COL5A1: variants seen among roughly 807,000 people sequenced by gnomAD.
The protein encoded by COL5A1 is collagen alpha-1(V) chain.
A neutral mutation model predicts 263.7 loss-of-function variants in COL5A1; 16 were observed. The observed-to-expected ratio is 0.06, with a 90% confidence interval of 0.04 to 0.09. The LOEUF is 0.09. COL5A1 is among the 10% of genes least tolerant of loss of function. COL5A1 has a pLI of 1.00. For missense variants in COL5A1, 2,036 were observed against 2,540.5 expected (o/e 0.80, Z 4.27); for synonymous variants, 1,012 against 1,004.5 (o/e 1.01, Z -0.14).
At chr9:134,746,261 G>A (rs1321450287) in intron 11 of COL5A1, among the ~76,000 whole-genome samples, 1 of 152,160 alleles carries the variant, frequency 6.6e-6, no homozygotes, top group Non-Finnish European at 1.5e-5. Flanking sequence ...GCACACAAAG[G>A]TTCTGGAGAG....
intron 65 of COL5A1, among the ~76,000 whole-genome samples, chr9:134,838,536 G>T (rs1839919558): frequency 6.6e-6 from 1 of 152,194 alleles, no homozygotes; most frequent in Admixed American, 6.5e-5. Flanking sequence ...GGTCTGGTTA[G>T]CCGCCCAGTG....
In COL5A1 at chr9:134,727,250, G is replaced by A. The variant is rs371301230; in HGVS notation, c.655-16G>A. 4.3e-5 allele frequency: 70 copies of A among 1,613,036 alleles called. 1 individual carries two copies. The highest frequency in any genetic ancestry group is 1.1e-4 in the African/African-American group (8 of 74,984). ...CTCTGTGAGCTGCTTTTTCATGAGCGTCTCTTCTTTTCCAGGGTGACATCC... is the reference window on the plus strand; with the variant it reads ...CTCTGTGAGCTGCTTTTTCATGAGCATCTCTTCTTTTCCAGGGTGACATCC... On this transcript the variant is annotated splice_polypyrimidine_tract_variant and intron_variant, in intron 4 of 65. Transcript: ENST00000371817.
At chr9:134,808,330 G>A (rs977399707) in intron 42 of COL5A1, among the ~76,000 whole-genome samples, 1 of 152,164 alleles carries the variant, frequency 6.6e-6, no homozygotes, top group African/African-American at 2.4e-5. Flanking sequence ...AGAGTGATGC[G>A]ATGGCTGGTC....
intron 1 of COL5A1, among the ~76,000 whole-genome samples, chr9:134,658,601 C>T (rs1021864274): frequency 6.6e-6 from 1 of 152,218 alleles, no homozygotes; most frequent in Non-Finnish European, 1.5e-5. Flanking sequence ...TTGCAGGCCC[C>T]GGAGAGGGGC....
intron 28 of COL5A1, among the ~76,000 whole-genome samples, 179 bp downstream of exon 28, chr9:134,780,325 G>A (rs558239866): frequency 6.6e-6 from 1 of 152,314 alleles, no homozygotes; most frequent in Non-Finnish European, 1.5e-5. Flanking sequence ...CGGAAGAAGA[G>A]TAAGTTGAGG....
In COL5A1 at chr9:134,767,352, A is replaced by G; in HGVS notation, c.2230A>G (p.Lys744Glu). The change falls in exon 24 of 66, where the codon AAG becomes GAG. Residue 744 changes from lysine (K) to glutamate (E), a missense_variant and splice_region_variant. Physicochemically the swap from Lys to Glu is moderately conservative, Grantham distance 56 (BLOSUM62 1). Transcript: ENST00000371817. ...PQGAIGPPGEKGPLGKPGLPG... is the reference protein window; with the variant it reads ...PQGAIGPPGEEGPLGKPGLPG... ...GGGTGCAATTGGTCCTCCAGGAGAA[A>G]AGGTAGGTGGGCCTGGGCTGTGTTG... The G allele has an allele frequency of 5.6e-6, 9 of 1,613,952 alleles. No homozygotes were observed. Among genetic ancestry groups the G allele is most frequent in the Non-Finnish European group, 6.8e-6 (8 of 1,179,986 alleles).
At chr9:134,812,425 A>C (rs370852479) in intron 46 of COL5A1, 24 bp from the exon 47 acceptor site, 3 of 1,613,024 alleles carry the variant, frequency 1.9e-6, no homozygotes, top group Admixed American at 1.7e-5. Context: ...AACAGCGCTT[A>C]ACTGGGAAGT....
rs140321314 is a variant in COL5A1, at chr9:134,816,549, C to T, written c.4123-477C>T. Among the ~76,000 whole-genome samples the T allele has an allele frequency of 7.9e-5, 12 of 152,336 alleles. No homozygotes were observed. In the East Asian group the frequency reaches 1.2e-3, roughly 15 times the overall value. On this transcript the variant is annotated intron_variant, in intron 52 of 65. Coordinates refer to ENST00000371817, the MANE Select transcript of COL5A1 (RefSeq NM_000093.5). ...CAGCCTGGCCAAGCGCGGGGGACTG[C>T]GGACCTGAGGGCAAAGGCCATGTCA...
At chr9:134,830,327 G>C in intron 64 of COL5A1, 1 of 751,738 alleles carries the variant, frequency 1.3e-6, no homozygotes. Context: ...TCAGCTAGGT[G>C]TGGAGTCCTC....
chr9:134,719,317 G>GCA (rs986969301), intron 4 of COL5A1, among the ~76,000 whole-genome samples: 1 of 152,176 alleles, frequency 6.6e-6, no homozygotes, highest in East Asian at 1.9e-4. Context: ...TGTATGTCAC[G>GCA]CACACACACC....
intron 42 of COL5A1, 154 bp from the exon 43 acceptor site, chr9:134,809,029 G>C (rs1838409756): frequency 1.2e-5 from 9 of 728,134 alleles, no homozygotes; most frequent in South Asian, 1.2e-4. Flanking sequence ...TCGGCCCTCA[G>C]TGGCCCTGGC....
intron 18 of COL5A1, among the ~76,000 whole-genome samples, chr9:134,759,871 TGCACACACACCAC>T (rs1836232899): frequency 2.0e-5 from 1 of 50,044 alleles, no homozygotes; most frequent in Non-Finnish European, 3.3e-5. Flanking sequence ...CACTCACACA[TGCACACACACCAC>T]ACAGGCACAC....
chr9:134,681,498 G>A lies in COL5A1; in HGVS notation c.110-9414G>A, dbSNP rs531632504. The stretch of plus-strand genomic sequence containing the variant: ...GTTCCAGTGATGGGGCCACGGGTGG[G>A]ACCGGAATGGAGGCTGCCAGCTGTG... On this transcript the variant is annotated intron_variant, in intron 1 of 65. Coordinates refer to ENST00000371817, the MANE Select transcript of COL5A1 (RefSeq NM_000093.5). The surrounding 1 kb of genome is among the most constrained non-coding windows in gnomAD (Gnocchi z 4.3). Among the ~76,000 whole-genome samples, 1 of 152,338 alleles carries A rather than the reference G, an allele frequency of 6.6e-6. No individual in the cohort carries two copies. The highest frequency in any genetic ancestry group is 1.9e-4 in the East Asian group (1 of 5,174).
intron 1 of COL5A1, among the ~76,000 whole-genome samples, chr9:134,646,885 C>T (rs977733580): frequency 6.6e-6 from 1 of 152,190 alleles, no homozygotes; most frequent in Non-Finnish European, 1.5e-5. Context: ...GAGGGGCTGT[C>T]GGATGGGCTG....
rs397951217 is a variant in COL5A1 at position 134,800,749 on chromosome 9, C to CAAAAAAAAA, written c.2953-1189_2953-1181dup. ...AACAGGAGTGAAACTCTGTCTCAAA[C>CAAAAAAAAA]AAAAAAAAAAAAAAAAAAAAAAAAG... On this transcript the variant is annotated intron_variant, in intron 37 of 65. Coordinates refer to ENST00000371817, the MANE Select transcript of COL5A1 (RefSeq NM_000093.5). Among the ~76,000 whole-genome samples the CAAAAAAAAA allele has an allele frequency of 6.7e-3, 544 of 81,160 alleles. 4 individuals carry two copies. The highest frequency in any genetic ancestry group is 0.01 in the East Asian group (22 of 2,140). The allele number at this position is 81,160 out of a possible 152,430, so 53.2% of individuals were successfully genotyped here. A position where few individuals can be genotyped will look rare whatever the true frequency, so the allele number is the denominator to read the frequency against.
Position 134,754,134 on chromosome 9 carries a change from C to G in COL5A1, c.1774-139C>G, listed in dbSNP as rs1220597791. 3.2e-6 allele frequency: 3 copies of G among 926,678 alleles called. No individual in the cohort carries two copies. The highest frequency in any genetic ancestry group is 5.1e-6 in the Non-Finnish European group (3 of 583,138). The allele number at this position is 926,678 out of a possible 1,614,324, so 57.4% of individuals were successfully genotyped here. On this transcript the variant is annotated intron_variant, in intron 15 of 65. Coordinates refer to ENST00000371817, the MANE Select transcript of COL5A1 (RefSeq NM_000093.5). This position sits in a 1 kb window ranked among gnomAD's most constrained non-coding sequence, Gnocchi z 4.3. Reference sequence around the variant, plus strand: ...TTCATTCTGGGCAGCAGATCCGTGTCCCGTCCCCGAAGTGCCCACATGTTT... The same window carrying G: ...TTCATTCTGGGCAGCAGATCCGTGTGCCGTCCCCGAAGTGCCCACATGTTT...
At chr9:134,832,953 C>T (rs1352223836) in intron 64 of COL5A1, 1 of 152,294 alleles carries the variant, frequency 6.6e-6, no homozygotes, top group African/African-American at 2.4e-5. Flanking sequence ...CTTGGCAATA[C>T]TGAAGTCAGT....
At chr9:134,685,104 A>C (rs1832980644) in intron 1 of COL5A1, among the ~76,000 whole-genome samples, 3 of 123,052 alleles carry the variant, frequency 2.4e-5, no homozygotes, top group Non-Finnish European at 3.4e-5. Context: ...TCCATCCACC[A>C]TCCATCCATT....
chr9:134,772,730 G>A lies in COL5A1; in HGVS notation c.2287-60G>A. The A allele has an allele frequency of 1.9e-6, 3 of 1,548,952 alleles. No individual in the cohort carries two copies. The South Asian group carries it at 3.3e-5, about 17-fold the overall frequency. ...CATGGATGCTACGCAGGGAGGGGAA[G>A]CGAGGGAGGCTGCTTTCTGGAGTGG... On this transcript the variant is annotated intron_variant, in intron 25 of 65. Coordinates refer to ENST00000371817, the MANE Select transcript of COL5A1 (RefSeq NM_000093.5).
Sources: allele counts gnomAD v4.1 joint callset (sites outside exome capture counted in the v4.1 genomes callset), GRCh38; gene constraint gnomAD v4.1.1; non-coding constraint Gnocchi (gnomAD v3.1); transcripts MANE v1.5; gene names NCBI Gene and HGNC (gene_info 2026-07-23, HGNC 2026-07-21).